Variants in RASAL2 observed in about 807,000 individuals in gnomAD.
RASAL2 encodes RAS protein activator like 2.
A neutral mutation model predicts 128.9 loss-of-function variants in RASAL2; 58 were observed. The observed-to-expected ratio is 0.45, with a 90% CI of 0.36 to 0.56. The LOEUF is 0.56. Ranked by LOEUF, RASAL2 falls within the 20% of genes least tolerant of loss-of-function variation. RASAL2 has a pLI of 0.00. For synonymous variants in RASAL2, 561 were observed against 580.8 expected, an observed-to-expected ratio of 0.97 and a Z score of 0.49; for missense variants, 1,360 against 1,601.6, an observed-to-expected ratio of 0.85 and a Z score of 2.57.
At chr1:178,266,154 G>A (rs1665938410) in intron 1 of RASAL2, among the ~76,000 whole-genome samples, 2 of 152,146 alleles carry the variant, frequency 1.3e-5, no homozygotes, top group Admixed American at 6.5e-5. Context: ...TATACGTTCG[G>A]TTTTAGTTAA....
At chr1:178,258,457 C>G (rs1665492298) in intron 1 of RASAL2, among the ~76,000 whole-genome samples, 3 of 152,136 alleles carry the variant, frequency 2.0e-5, no homozygotes, top group Admixed American at 2.0e-4. Flanking sequence ...GGCAAAGGAT[C>G]TGAGTAGATA....
chr1:178,304,686 C>G (rs903317707), intron 3 of RASAL2, among the ~76,000 whole-genome samples: 1 of 152,148 alleles, frequency 6.6e-6, no homozygotes, highest in African/African-American at 2.4e-5. Flanking sequence ...GGAGACAATT[C>G]TTCTTAAACG....
chr1:178,270,190 A>G (rs1048674525), intron 1 of RASAL2, among the ~76,000 whole-genome samples: 7 of 151,694 alleles, frequency 4.6e-5, no homozygotes, highest in Admixed American at 6.6e-5. Flanking sequence ...TCTTACTGAT[A>G]TGTTTTGGTG....
intron 3 of RASAL2, among the ~76,000 whole-genome samples, chr1:178,353,119 T>C (rs1022828257): frequency 1.3e-5 from 2 of 152,268 alleles, no homozygotes; most frequent in African/African-American, 4.8e-5. Flanking sequence ...TTCTGCAACC[T>C]GCTTGAATTC....
intron 3 of RASAL2, among the ~76,000 whole-genome samples, chr1:178,361,950 C>T (rs927148621): frequency 6.6e-6 from 1 of 151,866 alleles, no homozygotes; most frequent in Admixed American, 6.6e-5. Flanking sequence ...CTTGCATGTA[C>T]GGTTTACAAT....
rs577453591 is a variant in RASAL2 at position 178,321,105 on chromosome 1, C to T, written c.457+20987C>T. On this transcript the variant is annotated intron_variant, in intron 3 of 17. Coordinates refer to ENST00000367649, the MANE Select transcript of RASAL2 (RefSeq NM_170692.4). ...TTTTTATTTATTTATTTTTTTGAGG[C>T]GGAGTCTCATCTCTGTCACCCAGGC... 3.9e-5 allele frequency among the ~76,000 whole-genome samples: 6 copies of T among 152,106 alleles called. No individual in the cohort carries two copies. The South Asian group carries it at 6.2e-4, about 16-fold the overall frequency.
intron 17 of RASAL2, among the ~76,000 whole-genome samples, chr1:178,467,909 T>C (rs1647902429): frequency 6.6e-6 from 1 of 152,150 alleles, no homozygotes; most frequent in African/African-American, 2.4e-5. Flanking sequence ...GTTCTTTTGG[T>C]TTAGGGTTTG....
At chr1:178,350,777 A>T (rs1281083960) in intron 3 of RASAL2, among the ~76,000 whole-genome samples, 1 of 152,110 alleles carries the variant, frequency 6.6e-6, no homozygotes, top group Non-Finnish European at 1.5e-5. Flanking sequence ...TCCCATTTCC[A>T]TGGCCCCCTT....
chr1:178,329,752 A>T, intron 3 of RASAL2, among the ~76,000 whole-genome samples: 1 of 151,978 alleles, frequency 6.6e-6, no homozygotes, highest in Non-Finnish European at 1.5e-5. Context: ...CCAGCTATTC[A>T]GGAGGATCGC....
intron 4 of RASAL2, among the ~76,000 whole-genome samples, chr1:178,404,720 C>T (rs964273986): frequency 1.4e-5 from 2 of 144,916 alleles, no homozygotes; most frequent in Non-Finnish European, 3.0e-5. Context: ...CTCGCTCTGT[C>T]GCCCAGGCTG....
At chr1:178,401,662 A>C (rs1463421798) in intron 4 of RASAL2, among the ~76,000 whole-genome samples, 2 of 152,164 alleles carry the variant, frequency 1.3e-5, no homozygotes, top group Admixed American at 6.5e-5. Context: ...AAAAATACTA[A>C]TACTAATAAT....
At chr1:178,419,702 A>G (rs1675016900) in intron 4 of RASAL2, among the ~76,000 whole-genome samples, 1 of 152,144 alleles carries the variant, frequency 6.6e-6, no homozygotes, top group Non-Finnish European at 1.5e-5. Flanking sequence ...TTATTCAACA[A>G]ACTTTTGTTA....
At chr1:178,349,532 A>T (rs1426522287) in intron 3 of RASAL2, among the ~76,000 whole-genome samples, 1 of 152,126 alleles carries the variant, frequency 6.6e-6, no homozygotes, top group African/African-American at 2.4e-5. Context: ...AGGCTTGTGG[A>T]TGTATCCTCA....
At chr1:178,303,334 T>C (rs1667851739) in intron 3 of RASAL2, among the ~76,000 whole-genome samples, 1 of 152,118 alleles carries the variant, frequency 6.6e-6, no homozygotes, top group East Asian at 1.9e-4. Flanking sequence ...ATTTTCATGA[T>C]CTTGGATAAA....
chr1:178,465,827 A>G, intron 15 of RASAL2, 93 bp from the exon 16 acceptor site: 1 of 1,179,790 alleles, frequency 8.5e-7, no homozygotes, highest in Non-Finnish European at 1.2e-6. Flanking sequence ...AGAAAAAGAA[A>G]AAAAGAAAGA....
chr1:178,149,419 G>A (rs1660837919), intron 1 of RASAL2, among the ~76,000 whole-genome samples: 1 of 151,754 alleles, frequency 6.6e-6, no homozygotes, highest in South Asian at 2.1e-4. Context: ...AAATTGTTGT[G>A]GATTTAATTC....
Position 178,350,880 on chromosome 1 carries a change from T to C in RASAL2, c.458-39220T>C, listed in dbSNP as rs1294865581. 5.3e-5 allele frequency among the ~76,000 whole-genome samples: 8 copies of C among 152,218 alleles called. No homozygotes were observed. In the East Asian group the frequency reaches 9.6e-4, roughly 18 times the overall value. On this transcript the variant is annotated intron_variant, in intron 3 of 17. Transcript: ENST00000367649. ...TCTTGCATTGCTACAAAGAAATACC[T>C]GAGACTGGGTAATTTATAAAGAAAA...
intron 1 of RASAL2, among the ~76,000 whole-genome samples, chr1:178,187,229 T>C (rs868439476): frequency 6.6e-6 from 1 of 152,138 alleles, no homozygotes; most frequent in Non-Finnish European, 1.5e-5. Flanking sequence ...CAGCCCTTTT[T>C]CCCCCACTCT....
chr1:178,195,567 C>T (rs1402514066), intron 1 of RASAL2, among the ~76,000 whole-genome samples: 5 of 151,996 alleles, frequency 3.3e-5, no homozygotes, highest in Non-Finnish European at 5.9e-5. Context: ...TAAAACCTAC[C>T]TCGTAGAGTG....
Sources: gnomAD v4.1 joint callset for allele counts (sites outside exome capture counted in the v4.1 genomes callset) on GRCh38, gnomAD v4.1.1 for gene constraint, MANE v1.5 for transcripts, NCBI Gene and HGNC (gene_info 2026-07-23, HGNC 2026-07-21) for gene names.